Variants in C8orf34 observed in about 807,000 individuals in gnomAD.
C8orf34 encodes uncharacterized protein C8orf34.
A neutral mutation model predicts 68.3 loss-of-function variants in C8orf34; 65 were observed. The ratio of observed to expected loss-of-function variants is 0.95; its 90% CI spans 0.78 to 1.17. C8orf34 has a LOEUF of 1.17. C8orf34 is among the 50% of genes most tolerant of loss of function. C8orf34 has a pLI of 0.00. For synonymous variants in C8orf34, 244 were observed against 241.2 expected (o/e 1.01, Z -0.11); for missense variants, 664 against 655.4 (o/e 1.01, Z -0.14).
chr8:68,556,679 C>T (rs10108264), intron 7 of C8orf34, among the ~76,000 whole-genome samples: 45,555 of 151,908 alleles, frequency 0.3, 7,930 homozygotes, highest in Non-Finnish European at 0.38. Context: ...CCCAGGGATC[C>T]TCGGCCGATG....
rs1397187641 is a variant in C8orf34, at chr8:68,748,302, T to A, written c.1404+26865T>A. Among the ~76,000 whole-genome samples, 5 of 143,132 alleles carry A rather than the reference T, an allele frequency of 3.5e-5. No individual in the cohort carries two copies. The South Asian group carries it at 8.9e-4, about 26-fold the overall frequency. 93.9% of individuals were successfully genotyped at this position (143,132 alleles called of 152,430 possible). ...AAAACCCTAGAAGAAAACCTAGGCA[T>A]CACCATTCAGGACATAGGCACGGGC... On this transcript the variant is annotated intron_variant, in intron 10 of 13. Transcript: ENST00000518698.
chr8:68,778,186 A>G (rs1299233333), intron 11 of C8orf34, among the ~76,000 whole-genome samples: 1 of 152,176 alleles, frequency 6.6e-6, no homozygotes, highest in Non-Finnish European at 1.5e-5. Flanking sequence ...ATAAAATGAT[A>G]GTCTTTTGTC....
At chr8:68,529,406 A>G (rs985456450) in intron 6 of C8orf34, among the ~76,000 whole-genome samples, 1 of 152,194 alleles carries the variant, frequency 6.6e-6, no homozygotes. Context: ...TATTTATTCA[A>G]ATATTTTCCT....
At chr8:68,588,921 C>A (rs1817285012) in intron 7 of C8orf34, among the ~76,000 whole-genome samples, 1 of 152,116 alleles carries the variant, frequency 6.6e-6, no homozygotes, top group African/African-American at 2.4e-5. Context: ...GACTCCTCAA[C>A]CCTGTTACTA....
intron 7 of C8orf34, among the ~76,000 whole-genome samples, chr8:68,556,298 T>A (rs1261230153): frequency 1.3e-5 from 2 of 149,428 alleles, no homozygotes; most frequent in Admixed American, 1.3e-4. Context: ...GGGAATCTTT[T>A]TTTTTTTTTT....
Position 68,787,550 on chromosome 8 carries a change from A to G in C8orf34, c.1549+14A>G, listed in dbSNP as rs1823879636. The G allele has an allele frequency of 6.4e-7, 1 of 1,553,708 alleles. No individual in the cohort carries two copies. The highest frequency in any genetic ancestry group is 1.8e-5 in the Admixed American group (1 of 56,634). On this transcript the variant is annotated intron_variant, in intron 12 of 13. Coordinates refer to ENST00000518698, the MANE Select transcript of C8orf34 (RefSeq NM_052958.4). ...AACAAGAGAAACGTGAGTAGACACT[A>G]TTGTTTATTGACAAATTTCTTTTAC...
intron 1 of C8orf34, among the ~76,000 whole-genome samples, chr8:68,409,453 A>C (rs1407679338): frequency 3.9e-5 from 6 of 152,210 alleles, no homozygotes. Context: ...ACAAAATTTT[A>C]AAACATGAGA....
At position 68,446,348 on chromosome 8, in the gene C8orf34, G is replaced by A; in HGVS notation, c.495G>A (p.Arg165=). Residue 165 remains arginine (R), a synonymous_variant, in exon 3 of 14, where the codon AGG becomes AGA. Coordinates refer to ENST00000518698, the MANE Select transcript of C8orf34 (RefSeq NM_052958.4). ...SEKSESKGTR[R]DFRSYDKPWQ... ...TAACAGAATCCAAAGGAACAAGAAG[G>A]GATTTCAGAAGCTATGATAAACCTT... 6.3e-7 allele frequency: 1 copy of A among 1,598,350 alleles called. No homozygotes were observed. Among genetic ancestry groups the A allele is most frequent in the South Asian group, 1.1e-5 (1 of 87,214 alleles).
At chr8:68,710,838 T>C (rs1295896069) in intron 9 of C8orf34, among the ~76,000 whole-genome samples, 1 of 152,108 alleles carries the variant, frequency 6.6e-6, no homozygotes, top group East Asian at 1.9e-4. Context: ...AAAGCACTAC[T>C]TTCTGGCTGG....
chr8:68,410,239 G>T (rs1809387990), intron 1 of C8orf34, among the ~76,000 whole-genome samples: 1 of 152,094 alleles, frequency 6.6e-6, no homozygotes, highest in Non-Finnish European at 1.5e-5. Context: ...GGGTAGAGAG[G>T]TTAGCAATCA....
chr8:68,576,083 C>A lies in C8orf34; in HGVS notation c.1105+42934C>A, dbSNP rs1039116533. 3.4e-5 allele frequency among the ~76,000 whole-genome samples: 5 copies of A among 148,232 alleles called. No individual in the cohort carries two copies. The East Asian group carries it at 6.1e-4, about 18-fold the overall frequency. On this transcript the variant is annotated intron_variant, in intron 7 of 13. Coordinates refer to ENST00000518698, the MANE Select transcript of C8orf34 (RefSeq NM_052958.4). ...CCTGTACAATAGTCTTGCTTTTATTCCTATCCCAACATTCAAGATGCTAGA... is the reference window on the plus strand; with the variant it reads ...CCTGTACAATAGTCTTGCTTTTATTACTATCCCAACATTCAAGATGCTAGA...
chr8:68,345,671 G>A (rs1806250463), intron 1 of C8orf34, among the ~76,000 whole-genome samples: 1 of 151,724 alleles, frequency 6.6e-6, no homozygotes, highest in South Asian at 2.1e-4. Context: ...CAATTTAGAA[G>A]CTTGATTATA....
At chr8:68,625,620 CTGTGGCA>C (rs1818516910) in intron 7 of C8orf34, 1 of 701,940 alleles carries the variant, frequency 1.4e-6, no homozygotes, top group East Asian at 2.7e-5. Flanking sequence ...AGGCAACATC[CTGTGGCA>C]TGTGGCTTGC....
At chr8:68,331,595 G>A (rs1805595896) in intron 1 of C8orf34, 2 of 518,288 alleles carry the variant, frequency 3.9e-6, no homozygotes, top group East Asian at 3.5e-5. Flanking sequence ...GCCTGGCAGG[G>A]GAAGTTTTGG....
At chr8:68,792,916 AATAC>A (rs1347601226) in intron 12 of C8orf34, among the ~76,000 whole-genome samples, 1 of 151,932 alleles carries the variant, frequency 6.6e-6, no homozygotes, top group Non-Finnish European at 1.5e-5. Context: ...CATATATAAA[AATAC>A]ATACATGTAC....
chr8:68,813,469 T>G (rs1824717285), intron 12 of C8orf34, among the ~76,000 whole-genome samples: 1 of 152,188 alleles, frequency 6.6e-6, no homozygotes, highest in Admixed American at 6.5e-5. Context: ...TTGAATATTT[T>G]CCAGATCTTT....
chr8:68,433,710 G>A lies in C8orf34; in HGVS notation c.328-5789G>A, dbSNP rs547125962. Among the ~76,000 whole-genome samples the A allele has an allele frequency of 1.2e-4, 19 of 152,262 alleles. No homozygotes were observed. In the South Asian group the frequency reaches 2.1e-3, roughly 17 times the overall value. ...TGTGTACAAATCGAAGTTTCTGTGCGCCCAAGTGCTCTTTTGTTTTATAAT... is the reference window on the plus strand; with the variant it reads ...TGTGTACAAATCGAAGTTTCTGTGCACCCAAGTGCTCTTTTGTTTTATAAT... On this transcript the variant is annotated intron_variant, in intron 1 of 13. Transcript: ENST00000518698.
At chr8:68,807,873 G>T (rs1824532755) in intron 12 of C8orf34, among the ~76,000 whole-genome samples, 2 of 152,234 alleles carry the variant, frequency 1.3e-5, no homozygotes, top group African/African-American at 4.8e-5. Context: ...GAGAGGGCTG[G>T]TATATTTCCA....
intron 7 of C8orf34, chr8:68,534,515 C>A: frequency 1.5e-6 from 1 of 670,112 alleles, no homozygotes; most frequent in Non-Finnish European, 1.8e-6. Context: ...GGATGAAGCA[C>A]ACAGTTGTGT....
Sources: gnomAD v4.1 joint callset for allele counts (sites outside exome capture counted in the v4.1 genomes callset) on GRCh38, gnomAD v4.1.1 for gene constraint, MANE v1.5 for transcripts, NCBI Gene and HGNC (gene_info 2026-07-23, HGNC 2026-07-21) for gene names.